The following ABCC5 variants were observed in gnomAD, a reference collection of about 807,000 sequenced individuals.
ABCC5 encodes ATP-binding cassette sub-family C member 5.
ABCC5 carries 61 observed loss-of-function variants against 160.9 expected under a neutral mutation model. The observed-to-expected ratio is 0.38, with a 90% CI of 0.31 to 0.47. The LOEUF is 0.47. Ranked by LOEUF, ABCC5 falls within the 20% of genes least tolerant of loss-of-function variation. ABCC5 has a pLI of 0.99. For missense variants in ABCC5, 1,308 were observed against 1,813.3 expected (o/e 0.72, Z 5.06); for synonymous variants, 666 against 700.6 (o/e 0.95, Z 0.78).
Position 183,987,627 on chromosome 3 carries a change from G to C in ABCC5, c.591+143C>G, listed in dbSNP as rs981025250. The C allele has an allele frequency of 8.9e-7, 1 of 1,119,266 alleles. No homozygotes were observed. The highest frequency in any genetic ancestry group is 1.3e-5 in the South Asian group (1 of 75,238). The allele number at this position is 1,119,266 out of a possible 1,614,324, so 69.3% of individuals were successfully genotyped here. A position where few individuals can be genotyped will look rare whatever the true frequency, so the allele number is the denominator to read the frequency against. On this transcript the variant is annotated intron_variant, in intron 5 of 29. Coordinates refer to ENST00000334444, the MANE Select transcript of ABCC5 (RefSeq NM_005688.4). The surrounding 1 kb of genome is among the most constrained non-coding windows in gnomAD (Gnocchi z 4.2). The stretch of plus-strand genomic sequence containing the variant: ...CTTCCAGCTGTTGCCAAAATCCATC[G>C]ACCCCTTTCAACAGACCTGAAGGCA...
chr3:183,957,104 G>A (rs906794100), intron 17 of ABCC5, among the ~76,000 whole-genome samples: 1 of 107,298 alleles, frequency 9.3e-6, no homozygotes, highest in African/African-American at 3.6e-5. Context: ...TCGGTTACAT[G>A]CGGGTCCGTG....
In ABCC5 at chr3:184,011,259, T is replaced by A. The variant is rs188956078; in HGVS notation, c.129+3005A>T. On this transcript the variant is annotated intron_variant, in intron 2 of 29. Transcript: ENST00000334444. ...CTCTTTATATTTGGTCTCTTTCTCCTGTACAGGTTTTTTTCTGCATTGCTT... is the reference window on the plus strand; with the variant it reads ...CTCTTTATATTTGGTCTCTTTCTCCAGTACAGGTTTTTTTCTGCATTGCTT... 292 of 152,366 alleles carry A rather than the reference T, an allele frequency of 1.9e-3. 1 individual carries two copies. The highest frequency in any genetic ancestry group is 3.6e-3 in the Non-Finnish European group (248 of 68,064). The allele number at this position is 152,366 out of a possible 1,614,324, so 9.4% of individuals were successfully genotyped here.
intron 2 of ABCC5, among the ~76,000 whole-genome samples, chr3:184,012,835 G>C (rs549685752): frequency 6.6e-6 from 1 of 152,170 alleles, no homozygotes; most frequent in Non-Finnish European, 1.5e-5. Context: ...ATAATACACA[G>C]TAGGGTACAG....
chr3:183,979,540 C>G (rs1718522331), intron 8 of ABCC5, among the ~76,000 whole-genome samples: 2 of 152,192 alleles, frequency 1.3e-5, no homozygotes, highest in African/African-American at 4.8e-5. Context: ...ATTAGCAAAG[C>G]AACCATAGTG....
intron 11 of ABCC5, among the ~76,000 whole-genome samples, chr3:183,969,667 G>T (rs529923746): frequency 1.6e-4 from 24 of 150,174 alleles, no homozygotes; most frequent in African/African-American, 5.9e-4. Flanking sequence ...ACTCTAGCCT[G>T]GGCAACAGAG....
rs1420103392 is a variant in ABCC5, at chr3:183,921,239, C to A, written c.*61G>T. On this transcript the variant is annotated 3_prime_UTR_variant, in exon 30 of 30. Coordinates refer to ENST00000334444, the MANE Select transcript of ABCC5 (RefSeq NM_005688.4). The surrounding 1 kb of genome is among the most constrained non-coding windows in gnomAD (Gnocchi z 4.1). Reference sequence around the variant, plus strand: ...TTCGGTAGGAGGACGCGATGAGGGGCCCGCCCCAGGCAGGGAATGGCAATG... The same window carrying A: ...TTCGGTAGGAGGACGCGATGAGGGGACCGCCCCAGGCAGGGAATGGCAATG... 9.1e-6 allele frequency: 9 copies of A among 987,120 alleles called. No individual in the cohort carries two copies. Among genetic ancestry groups the A allele is most frequent in the Non-Finnish European group, 1.2e-5 (8 of 641,990 alleles). The allele number at this position is 987,120 out of a possible 1,614,324, so 61.1% of individuals were successfully genotyped here.
chr3:183,992,125 T>G (rs28680881), intron 2 of ABCC5, among the ~76,000 whole-genome samples: 3,838 of 152,336 alleles, frequency 0.025, 181 homozygotes, highest in African/African-American at 0.088. Context: ...CTCTGACCAC[T>G]TTAGGATTTA....
At chr3:183,929,140 A>G (rs1180637296) in intron 26 of ABCC5, among the ~76,000 whole-genome samples, 1 of 152,200 alleles carries the variant, frequency 6.6e-6, no homozygotes, top group Non-Finnish European at 1.5e-5. Context: ...ATTTGTTAAA[A>G]TACATCTTTC....
rs777418199 is a variant in ABCC5, at chr3:183,978,679, A to G, written c.1148-28T>C. The G allele has an allele frequency of 3.7e-6, 6 of 1,607,900 alleles. No homozygotes were observed. In the Admixed American group the frequency reaches 1.0e-4, roughly 27 times the overall value. On this transcript the variant is annotated intron_variant, in intron 8 of 29. Transcript: ENST00000334444. ...ATGAATAAAAAGCAAGCCAATTTCA[A>G]AGCAAGTTAAAAGAAGCCTAGGGAT...
chr3:183,961,723 T>C (rs1716755036), intron 15 of ABCC5, 69 bp from the exon 16 acceptor site: 1 of 1,576,978 alleles, frequency 6.3e-7, no homozygotes, highest in East Asian at 2.2e-5. Context: ...CATACATTAG[T>C]TCAGTAGTTC....
intron 8 of ABCC5, among the ~76,000 whole-genome samples, chr3:183,980,892 T>C (rs1002896699): frequency 6.6e-6 from 1 of 152,076 alleles, no homozygotes; most frequent in Non-Finnish European, 1.5e-5. Context: ...TTTGTATTTT[T>C]AGTACAGACG....
intron 24 of ABCC5, 135 bp downstream of exon 24, chr3:183,945,715 A>G: frequency 2.8e-6 from 2 of 723,868 alleles, no homozygotes; most frequent in Non-Finnish European, 5.0e-6. Flanking sequence ...CACGGTTGAG[A>G]GATTGCTGGA....
chr3:183,971,705 G>A lies in ABCC5; in HGVS notation c.1619C>T (p.Ala540Val), dbSNP rs535550786. The change falls in exon 11 of 30, where the codon GCG (alanine) becomes GTG (valine). Residue 540 changes from alanine (A) to valine (V), a missense_variant. Physicochemically the swap from Ala to Val is moderately conservative, Grantham distance 64. This residue lies in a region of ABCC5 where 1,142 missense variants were observed against 1,527.1 expected (regional missense o/e 0.75). Coordinates refer to ENST00000334444, the MANE Select transcript of ABCC5 (RefSeq NM_005688.4). ...VRQLQRTEHQ[A>V]VLAEQKGHLL... ...GTGGCCTTTCTGCTCTGCCAGCACC[G>A]CCTGATGCTCAGTGCGCTGCAGCTG... is the stretch of plus-strand genomic sequence containing the variant. 1.4e-4 allele frequency: 231 copies of A among 1,614,172 alleles called. 3 individuals are homozygous for A. The South Asian group carries it at 2.2e-3, about 16-fold the overall frequency.
intron 17 of ABCC5, among the ~76,000 whole-genome samples, chr3:183,954,089 T>C (rs1437122362): frequency 6.6e-6 from 1 of 152,138 alleles, no homozygotes; most frequent in East Asian, 1.9e-4. Context: ...GGGAAAATAT[T>C]TGAAAATGGA....
chr3:183,969,697 A>C (rs1717564431), intron 11 of ABCC5, among the ~76,000 whole-genome samples: 1 of 151,892 alleles, frequency 6.6e-6, no homozygotes, highest in Non-Finnish European at 1.5e-5. Context: ...GTCTCAAAAA[A>C]AAAAAAAAAA....
Position 183,987,313 on chromosome 3 carries a change from C to G in ABCC5, c.591+457G>C. 1 of 300,806 alleles carries G rather than the reference C, an allele frequency of 3.3e-6. No individual in the cohort carries two copies. The highest frequency in any genetic ancestry group is 6.8e-5 in the East Asian group (1 of 14,792). The allele number at this position is 300,806 out of a possible 1,614,324, so 18.6% of individuals were successfully genotyped here. ...CCAGGTCAGACTCTAAAATCCTCGA[C>G]AGTCCTCTAGTTTTCTCAGGGCTTA... On this transcript the variant is annotated intron_variant, in intron 5 of 29. Coordinates refer to ENST00000334444, the MANE Select transcript of ABCC5 (RefSeq NM_005688.4). This position sits in a 1 kb window ranked among gnomAD's most constrained non-coding sequence, Gnocchi z 4.2.
intron 27 of ABCC5, among the ~76,000 whole-genome samples, chr3:183,928,284 G>A (rs549833479): frequency 6.6e-6 from 1 of 152,056 alleles, no homozygotes; most frequent in African/African-American, 2.4e-5. Context: ...GCTAATTTTT[G>A]TATTTTTAGT....
chr3:183,980,718 T>C (rs1265878077), intron 8 of ABCC5, among the ~76,000 whole-genome samples: 1 of 130,002 alleles, frequency 7.7e-6, no homozygotes, highest in African/African-American at 4.5e-5. Context: ...TGTTTTGTTT[T>C]TTTTTTTTTT....
intron 5 of ABCC5, chr3:183,985,425 C>G (rs768921525): frequency 1.3e-6 from 2 of 1,522,320 alleles, no homozygotes; most frequent in South Asian, 1.1e-5. Flanking sequence ...GAGACTCCCC[C>G]CAAATCCAGA....
Sources: allele counts gnomAD v4.1 joint callset (sites outside exome capture counted in the v4.1 genomes callset), GRCh38; gene constraint gnomAD v4.1.1; regional missense constraint gnomAD v4.1.1; non-coding constraint Gnocchi (gnomAD v3.1); transcripts MANE v1.5; gene names NCBI Gene and HGNC (gene_info 2026-07-23, HGNC 2026-07-21).